Variants in ASXL1 observed in about 807,000 individuals in gnomAD.
ASXL1 encodes polycomb group protein ASXL1.
In ASXL1, 65 loss-of-function variants were observed where a neutral mutation model predicts 89.1. That is an observed-to-expected ratio of 0.73 (90% CI 0.60 to 0.90). ASXL1 has a LOEUF of 0.90. Ranked by LOEUF, ASXL1 falls within the 40% of genes least tolerant of loss-of-function variation. The probability of loss-of-function intolerance (pLI) is 0.00; values close to 1 mark genes in which losing one functional copy is unlikely to be tolerated. For synonymous variants in ASXL1, 739 were observed against 746.9 expected (o/e 0.99, Z 0.17); for missense variants, 1,786 against 1,942.9 (o/e 0.92, Z 1.52).
At chr20:32,378,951 A>G (rs2048435932) in intron 4 of ASXL1, among the ~76,000 whole-genome samples, 1 of 151,800 alleles carries the variant, frequency 6.6e-6, no homozygotes, top group Non-Finnish European at 1.5e-5. Context: ...AACACGGCGA[A>G]GCCCTGTCTC....
At chr20:32,387,455 C>T (rs2048599044) in intron 4 of ASXL1, among the ~76,000 whole-genome samples, 1 of 152,172 alleles carries the variant, frequency 6.6e-6, no homozygotes, top group South Asian at 2.1e-4. Flanking sequence ...CTGGCGAATT[C>T]AGTGCATTGT....
intron 4 of ASXL1, among the ~76,000 whole-genome samples, chr20:32,419,806 A>G (rs2049208321): frequency 6.6e-6 from 1 of 151,206 alleles, no homozygotes; most frequent in African/African-American, 2.4e-5. Context: ...CAGCCTCCTG[A>G]GTGGCCGGGA....
intron 8 of ASXL1, 35 bp downstream of exon 8, chr20:32,430,088 AG>A (rs1569319096): frequency 1.3e-6 from 2 of 1,596,906 alleles, no homozygotes; most frequent in South Asian, 1.1e-5. Flanking sequence ...CTGCCTGTAA[AG>A]GGGGCCCCTG....
chr20:32,412,574 AC>A (rs1224078723), intron 4 of ASXL1, among the ~76,000 whole-genome samples: 1 of 149,648 alleles, frequency 6.7e-6, no homozygotes, highest in East Asian at 1.9e-4. Flanking sequence ...CTGTTGCATT[AC>A]CCTTAAGAAA....
At chr20:32,367,078 A>T (rs1600472099) in intron 2 of ASXL1, among the ~76,000 whole-genome samples, 2 of 19,166 alleles carry the variant, frequency 1.0e-4, no homozygotes, top group South Asian at 2.6e-3. Flanking sequence ...CTTCAAACTT[A>T]AAAAAAAAAA....
chr20:32,398,003 G>T (rs981838736), intron 4 of ASXL1, among the ~76,000 whole-genome samples: 6 of 152,208 alleles, frequency 3.9e-5, no homozygotes, highest in Non-Finnish European at 5.9e-5. Context: ...ACCAATTGTA[G>T]TAGGGTATTT....
intron 4 of ASXL1, among the ~76,000 whole-genome samples, chr20:32,419,351 C>T (rs1011107727): frequency 4.0e-5 from 6 of 151,898 alleles, no homozygotes; most frequent in East Asian, 1.9e-4. Context: ...TACAGGTGCG[C>T]GTCACCATGT....
At chr20:32,386,683 G>T (rs552745934) in intron 4 of ASXL1, among the ~76,000 whole-genome samples, 2 of 151,980 alleles carry the variant, frequency 1.3e-5, no homozygotes, top group Non-Finnish European at 2.9e-5. Context: ...CTCCCAAAGT[G>T]CTGGGATTAC....
intron 3 of ASXL1, among the ~76,000 whole-genome samples, chr20:32,368,147 A>G (rs2048237604): frequency 6.6e-6 from 1 of 152,168 alleles, no homozygotes; most frequent in Non-Finnish European, 1.5e-5. Context: ...ATTTTTTAAC[A>G]TGCTGGGGAG....
At chr20:32,380,675 A>G (rs368986658) in intron 4 of ASXL1, among the ~76,000 whole-genome samples, 1 of 152,144 alleles carries the variant, frequency 6.6e-6, no homozygotes, top group Non-Finnish European at 1.5e-5. Context: ...GCTTGAGCCC[A>G]GGAGGTTGAG....
In ASXL1 at chr20:32,428,213, C is replaced by T. The variant is rs1188392212; in HGVS notation, c.338C>T (p.Ser113Phe). 1.2e-6 allele frequency: 2 copies of T among 1,614,130 alleles called. No individual in the cohort carries two copies. Among genetic ancestry groups the T allele is most frequent in the Admixed American group, 3.3e-5 (2 of 60,024 alleles). The part of the protein sequence containing the change: ...EDTADVESCG[S>F]NEASTVSGEN... The stretch of plus-strand genomic sequence containing the variant: ...ACGGCTGATGTGGAGAGCTGTGGGT[C>T]TAATGAAGCCAGCACTGTGAGTGGT... The change falls in exon 5 of 13, where the codon TCT (serine) becomes TTT (phenylalanine). Residue 113 changes from serine to phenylalanine, a missense_variant. This residue lies in a region of ASXL1 where 332 missense variants were observed against 449.7 expected (regional missense o/e 0.74). Transcript: ENST00000375687.
At chr20:32,424,940 C>T (rs1442120271) in intron 4 of ASXL1, among the ~76,000 whole-genome samples, 3 of 152,186 alleles carry the variant, frequency 2.0e-5, no homozygotes, top group Non-Finnish European at 2.9e-5. Flanking sequence ...CGCACCTCCC[C>T]TACCCCCCAC....
Position 32,435,301 on chromosome 20 carries a change from TGAC to T in ASXL1, c.2592_2594del (p.Asp864del). On this transcript the variant is annotated inframe_deletion, in exon 13 of 13. Transcript: ENST00000375687. Reference sequence around the variant, plus strand: ...ATTGCCTGCAGAACAGAGCATTTGATGACGAATTAGGGCTTGGTGGCTCATGCC... The same window carrying T: ...ATTGCCTGCAGAACAGAGCATTTGATGAATTAGGGCTTGGTGGCTCATGCC... 6.2e-7 allele frequency: 1 copy of T among 1,614,166 alleles called. No individual in the cohort carries two copies. The highest frequency in any genetic ancestry group is 8.5e-7 in the Non-Finnish European group (1 of 1,180,032).
intron 4 of ASXL1, among the ~76,000 whole-genome samples, chr20:32,382,704 T>G (rs1336471552): frequency 1.3e-5 from 2 of 151,982 alleles, no homozygotes; most frequent in Non-Finnish European, 2.9e-5. Context: ...AAGGATTGCT[T>G]GAGCCTGGGA....
At position 32,379,161 on chromosome 20, in the gene ASXL1, C is replaced by CTTTTTTTTTTT. The variant is rs71187113; in HGVS notation, c.252+10069_252+10079dup. On this transcript the variant is annotated intron_variant, in intron 4 of 12. Transcript: ENST00000375687. ...ACTCACTGTCAGGTATAACTTCAGT[C>CTTTTTTTTTTT]TTTTTTTTTTTTTTTTTTTTTTTTT... 4.9e-4 allele frequency among the ~76,000 whole-genome samples: 30 copies of CTTTTTTTTTTT among 61,794 alleles called. 3 individuals are homozygous for CTTTTTTTTTTT. Among genetic ancestry groups the CTTTTTTTTTTT allele is most frequent in the Non-Finnish European group, 6.6e-4 (24 of 36,160 alleles). 40.5% of individuals were successfully genotyped at this position (61,794 alleles called of 152,430 possible). A position where few individuals can be genotyped will look rare whatever the true frequency, so the allele number is the denominator to read the frequency against.
At chr20:32,403,098 C>T (rs1216304900) in intron 4 of ASXL1, among the ~76,000 whole-genome samples, 1 of 152,148 alleles carries the variant, frequency 6.6e-6, no homozygotes, top group Non-Finnish European at 1.5e-5. Flanking sequence ...CATCAATGTT[C>T]ATTTTCCTTT....
At chr20:32,427,209 G>A (rs1314048861) in intron 4 of ASXL1, 1 of 152,162 alleles carries the variant, frequency 6.6e-6, no homozygotes. Flanking sequence ...CATGTCGTGA[G>A]TCTATTGGAA....
chr20:32,382,934 T>A (rs764198108), intron 4 of ASXL1, among the ~76,000 whole-genome samples: 6 of 152,206 alleles, frequency 3.9e-5, no homozygotes, highest in Non-Finnish European at 5.9e-5. Flanking sequence ...GCTCTCAAGT[T>A]ATCTAATTTA....
chr20:32,370,215 A>G (rs1169160616), intron 4 of ASXL1, among the ~76,000 whole-genome samples: 1 of 152,196 alleles, frequency 6.6e-6, no homozygotes, highest in African/African-American at 2.4e-5. Context: ...GCCGAAATGA[A>G]CAGGCTAATT....
Sources: allele counts gnomAD v4.1 joint callset (sites outside exome capture counted in the v4.1 genomes callset), GRCh38; gene constraint gnomAD v4.1.1; regional missense constraint gnomAD v4.1.1; transcripts MANE v1.5; gene names NCBI Gene and HGNC (gene_info 2026-07-23, HGNC 2026-07-21).